The following COX18 variants were observed in gnomAD, a reference collection of about 807,000 sequenced individuals.
COX18 encodes the protein cytochrome c oxidase assembly factor COX18.
In COX18, 45 loss-of-function variants were observed where a neutral mutation model predicts 38.0. That is an observed-to-expected ratio of 1.18 (90% CI 0.93 to 1.52). The LOEUF (loss-of-function observed/expected upper bound fraction) is 1.52, where lower values mean the gene tolerates loss of function less well. COX18 is among the 40% of genes most tolerant of loss of function. The probability of loss-of-function intolerance (pLI) is 0.00; values close to 1 mark genes in which losing one functional copy is unlikely to be tolerated. For synonymous variants in COX18, 177 were observed against 169.8 expected (o/e 1.04, Z -0.33); for missense variants, 462 against 423.8 (o/e 1.09, Z -0.79).
rs1577961338 is a variant in COX18 at position 73,069,389 on chromosome 4, C to T, written c.261G>A (p.Leu87=). The part of the protein sequence containing the change: ...ATGLPWWGSI[L]LSTVALRGAV... ...CACCCCGTAAGGCCACGGTGGAGAG[C>T]AGAATGCTGCCCCACCAGGGCAGGC... The change falls in exon 1 of 6, where the codon CTG becomes CTA. Residue 87 remains leucine (L), a synonymous_variant. Coordinates refer to ENST00000507544, the MANE Select transcript of COX18 (RefSeq NM_001297732.2). The T allele has an allele frequency of 1.3e-6, 2 of 1,563,386 alleles. No homozygotes were observed. The highest frequency in any genetic ancestry group is 1.7e-6 in the Non-Finnish European group (2 of 1,154,844).
rs780788363 is a variant in COX18 at position 73,053,282 on chromosome 4, A to G, written c.*4832T>C. ...CTCATGCACCTAGAAGGTCACAATA[A>G]ACGAACAGAATGTAGAGGAGGAGTC... On this transcript the variant is annotated 3_prime_UTR_variant, in exon 6 of 6. Transcript: ENST00000507544. 6.6e-6 allele frequency: 1 copy of G among 152,222 alleles called. No homozygotes were observed. Among genetic ancestry groups the G allele is most frequent in the Non-Finnish European group, 1.5e-5 (1 of 68,064 alleles). The allele number at this position is 152,222 out of a possible 1,614,324, so 9.4% of individuals were successfully genotyped here.
intron 5 of COX18, among the ~76,000 whole-genome samples, chr4:73,060,320 G>A (rs372471502): frequency 7.0e-4 from 107 of 152,202 alleles, no homozygotes; most frequent in African/African-American, 2.4e-3. Flanking sequence ...TATCTGAGGC[G>A]TTCTTCAGTA....
chr4:73,062,645 T>C (rs1474646411), intron 4 of COX18, among the ~76,000 whole-genome samples: 2 of 152,114 alleles, frequency 1.3e-5, no homozygotes, highest in African/African-American at 4.8e-5. Flanking sequence ...CCTAGGCAAT[T>C]AGGCAACATA....
intron 4 of COX18, 101 bp from the exon 5 acceptor site, chr4:73,062,021 C>T: frequency 1.2e-5 from 8 of 640,012 alleles, no homozygotes; most frequent in Non-Finnish European, 2.2e-5. Context: ...CCTCCATCTA[C>T]ACTTTAATAA....
At position 73,058,269 on chromosome 4, in the gene COX18, A is replaced by G. The variant is rs1719991116; in HGVS notation, c.850T>C (p.Leu284=). 1 of 1,611,898 alleles carries G rather than the reference A, an allele frequency of 6.2e-7. No homozygotes were observed. Residue 284 remains leucine, a synonymous_variant, in exon 6 of 6, where the codon TTA becomes CTA. Transcript: ENST00000507544. ...TVPSSIVLYW[L]CSSFVGLSQN... ...GAAAGGCCCACGAAGCTGGAGCATA[A>G]CCAGTAGAGAACAATTGACTATAAA...
Position 73,055,275 on chromosome 4 carries a change from C to T in COX18, c.*2839G>A, listed in dbSNP as rs1719847152. On this transcript the variant is annotated 3_prime_UTR_variant, in exon 6 of 6. Coordinates refer to ENST00000507544, the MANE Select transcript of COX18 (RefSeq NM_001297732.2). ...GCCTCTGCATCCTTGATTGTACACG[C>T]TGCAAATATAGTCAATTTGCATTAT... is the stretch of plus-strand genomic sequence containing the variant. 1 of 152,256 alleles carries T rather than the reference C, an allele frequency of 6.6e-6. No individual in the cohort carries two copies. The highest frequency in any genetic ancestry group is 1.5e-5 in the Non-Finnish European group (1 of 68,054). 9.4% of individuals were successfully genotyped at this position (152,256 alleles called of 1,614,324 possible). A position where few individuals can be genotyped will look rare whatever the true frequency, so the allele number is the denominator to read the frequency against.
At position 73,068,086 on chromosome 4, in the gene COX18, A is replaced by C. The variant is rs748015296; in HGVS notation, c.377T>G (p.Leu126Arg). The change falls in exon 2 of 6, where the codon CTT becomes CGT. Residue 126 changes from leucine (L) to arginine (R), a missense_variant. Coordinates refer to ENST00000507544, the MANE Select transcript of COX18 (RefSeq NM_001297732.2). ...QPEIKTIARH[L>R]NQEVAVRANQ... Reference sequence around the variant, plus strand: ...TGCACGAACTGCAACTTCTTGGTTAAGATGCCTGGCAATAGTTTTTATTTC... The same window carrying C: ...TGCACGAACTGCAACTTCTTGGTTACGATGCCTGGCAATAGTTTTTATTTC... The C allele has an allele frequency of 6.2e-7, 1 of 1,608,864 alleles. No individual in the cohort carries two copies. Among genetic ancestry groups the C allele is most frequent in the Non-Finnish European group, 8.5e-7 (1 of 1,178,534 alleles).
At chr4:73,065,495 G>A (rs1283238067) in intron 2 of COX18, 82 bp from the exon 3 acceptor site, 11 of 1,195,702 alleles carry the variant, frequency 9.2e-6, no homozygotes, top group East Asian at 7.1e-5. Flanking sequence ...CACAAATAGC[G>A]CCTGCTGTAG....
rs535972123 is a variant in COX18, at chr4:73,056,409, C to CT, written c.*1704dup. 5.9e-5 allele frequency: 9 copies of CT among 152,316 alleles called. No individual in the cohort carries two copies. The South Asian group carries it at 1.9e-3, about 32-fold the overall frequency. The allele number at this position is 152,316 out of a possible 1,614,324, so 9.4% of individuals were successfully genotyped here. ...CTGCCCTTCTGGTTTTCTTCTTTGA[C>CT]TAAACAATCTGAATGCTTAAGATTT... On this transcript the variant is annotated 3_prime_UTR_variant, in exon 6 of 6. Coordinates refer to ENST00000507544, the MANE Select transcript of COX18 (RefSeq NM_001297732.2).
rs778030156 is a variant in COX18, at chr4:73,069,669, C to G, written c.-20G>C. On this transcript the variant is annotated 5_prime_UTR_variant, in exon 1 of 6. Coordinates refer to ENST00000507544, the MANE Select transcript of COX18 (RefSeq NM_001297732.2). ...CAGCATTTCTGCACCACGGCGGAGC[C>G]CAGATCCCGGGCCTCACAATCCAGC... 37 of 1,539,330 alleles carry G rather than the reference C, an allele frequency of 2.4e-5. No individual in the cohort carries two copies. The highest frequency in any genetic ancestry group is 2.9e-5 in the Non-Finnish European group (33 of 1,147,964).
chr4:73,054,963 A>C lies in COX18; in HGVS notation c.*3151T>G, dbSNP rs975568784. 1.3e-5 allele frequency: 2 copies of C among 152,226 alleles called. No homozygotes were observed. The highest frequency in any genetic ancestry group is 2.9e-5 in the Non-Finnish European group (2 of 68,048). 9.4% of individuals were successfully genotyped at this position (152,226 alleles called of 1,614,324 possible). ...TGTCAGGGATTGGGGATAAAGACCA[A>C]ATACATATTTCACAATATCATAGCA... On this transcript the variant is annotated 3_prime_UTR_variant, in exon 6 of 6. Coordinates refer to ENST00000507544, the MANE Select transcript of COX18 (RefSeq NM_001297732.2).
chr4:73,062,561 G>A (rs1720226126), intron 4 of COX18, among the ~76,000 whole-genome samples: 1 of 151,996 alleles, frequency 6.6e-6, no homozygotes, highest in Non-Finnish European at 1.5e-5. Flanking sequence ...TTCTGCGTAA[G>A]GCTGGGGGCC....
intron 3 of COX18, 46 bp downstream of exon 3, chr4:73,065,204 A>T: frequency 7.2e-7 from 1 of 1,394,952 alleles, no homozygotes; most frequent in Non-Finnish European, 9.8e-7. Flanking sequence ...TTTAGTACAA[A>T]GACAATGTTA....
At chr4:73,061,514 C>T (rs1720152859) in intron 5 of COX18, among the ~76,000 whole-genome samples, 1 of 151,924 alleles carries the variant, frequency 6.6e-6, no homozygotes, top group Non-Finnish European at 1.5e-5. Flanking sequence ...CGAGACCATC[C>T]TGGTTAATAT....
chr4:73,059,184 T>TA (rs1212920616), intron 5 of COX18, among the ~76,000 whole-genome samples: 1 of 152,166 alleles, frequency 6.6e-6, no homozygotes, highest in Non-Finnish European at 1.5e-5. Flanking sequence ...CTCCTATACT[T>TA]ACACCTGTTC....
intron 5 of COX18, among the ~76,000 whole-genome samples, chr4:73,061,480 G>A (rs1267856479): frequency 2.6e-5 from 4 of 151,948 alleles, no homozygotes; most frequent in South Asian, 2.1e-4. Flanking sequence ...AGGCCGAGGC[G>A]GGAGGATCAC....
chr4:73,065,199 T>C (rs13109685), intron 3 of COX18, 51 bp downstream of exon 3: 1 of 1,163,688 alleles, frequency 8.6e-7, no homozygotes, highest in Non-Finnish European at 1.2e-6. Flanking sequence ...TTTTTTTTAG[T>C]ACAAAGACAA....
At chr4:73,066,089 T>C (rs776619360) in intron 2 of COX18, among the ~76,000 whole-genome samples, 53 of 152,364 alleles carry the variant, frequency 3.5e-4, no homozygotes, top group Middle Eastern at 3.4e-3. Flanking sequence ...ATATATTTTG[T>C]ACAGAGGAGG....
chr4:73,059,892 G>C (rs1577947601), intron 5 of COX18, among the ~76,000 whole-genome samples: 1 of 151,658 alleles, frequency 6.6e-6, no homozygotes, highest in South Asian at 2.1e-4. Context: ...ATTTTTATTT[G>C]AGTAGGCTGT....
Sources: allele counts gnomAD v4.1 joint callset (sites outside exome capture counted in the v4.1 genomes callset), GRCh38; gene constraint gnomAD v4.1.1; transcripts MANE v1.5; gene names NCBI Gene and HGNC (gene_info 2026-07-23, HGNC 2026-07-21).